The following EVI5L variants were observed in gnomAD, a reference collection of about 807,000 sequenced individuals.
The protein encoded by EVI5L is ecotropic viral integration site 5 like.
A neutral mutation model predicts 106.1 loss-of-function variants in EVI5L; 30 were observed. The ratio of observed to expected loss-of-function variants is 0.28; its 90% CI spans 0.21 to 0.38. EVI5L has a LOEUF of 0.38. Among genes scored for constraint, EVI5L ranks in the 10% least tolerant of loss-of-function variants. EVI5L has a pLI of 1.00. For missense variants in EVI5L, 809 were observed against 1,098.0 expected (o/e 0.74, Z 3.72); for synonymous variants, 489 against 483.3 (o/e 1.01, Z -0.15).
intron 1 of EVI5L, among the ~76,000 whole-genome samples, chr19:7,842,602 A>G (rs369772976): frequency 1.3e-5 from 2 of 149,946 alleles, no homozygotes; most frequent in African/African-American, 2.5e-5. Flanking sequence ...GTGAATGTGC[A>G]TGGGTGTGTA....
chr19:7,847,596 A>G (rs1979014111), intron 2 of EVI5L, 136 bp from the exon 3 acceptor site: 1 of 693,002 alleles, frequency 1.4e-6, no homozygotes, highest in Non-Finnish European at 2.1e-6. Context: ...AAAGAAGAAG[A>G]AAAAAAAAAG....
rs954864773 is a variant in EVI5L at position 7,863,891 on chromosome 19, G to A, written c.*189G>A. On this transcript the variant is annotated 3_prime_UTR_variant, in exon 20 of 20. Transcript: ENST00000538904. This position sits in a 1 kb window ranked among gnomAD's most constrained non-coding sequence, Gnocchi z 7.7. ...GACCTGGGCTCCTCAGGGCCCCGGG[G>A]CAGGCTCTCTATCCCCAGCAGTGTT... is the stretch of plus-strand genomic sequence containing the variant. 3.1e-5 allele frequency: 23 copies of A among 742,588 alleles called. No individual in the cohort carries two copies. Among genetic ancestry groups the A allele is most frequent in the Middle Eastern group, 7.8e-4 (2 of 2,550 alleles). The allele number at this position is 742,588 out of a possible 1,614,324, so 46.0% of individuals were successfully genotyped here. A position where few individuals can be genotyped will look rare whatever the true frequency, so the allele number is the denominator to read the frequency against.
chr19:7,858,095 C>T lies in EVI5L; in HGVS notation c.1234-96C>T, dbSNP rs74176257. The T allele has an allele frequency of 6.9e-7, 1 of 1,449,516 alleles. No homozygotes were observed. The highest frequency in any genetic ancestry group is 1.4e-5 in the South Asian group (1 of 73,580). 89.8% of individuals were successfully genotyped at this position (1,449,516 alleles called of 1,614,324 possible). ...GCCCCCACCTCACTTCCCCCCACCT[C>T]CACTCTCTGGGCCTCCCCCTGTGGC... is the stretch of plus-strand genomic sequence containing the variant. On this transcript the variant is annotated intron_variant, in intron 12 of 19. Transcript: ENST00000538904. The surrounding 1 kb of genome is among the most constrained non-coding windows in gnomAD (Gnocchi z 5.7).
chr19:7,860,138 G>A (rs1979729033), intron 13 of EVI5L, among the ~76,000 whole-genome samples: 1 of 152,104 alleles, frequency 6.6e-6, no homozygotes, highest in South Asian at 2.1e-4. Flanking sequence ...ATGGAGGGTG[G>A]GATGCAGAGG....
At chr19:7,830,779 T>C (rs1978290830) in intron 1 of EVI5L, among the ~76,000 whole-genome samples, 1 of 65,062 alleles carries the variant, frequency 1.5e-5, no homozygotes, top group African/African-American at 6.2e-5. Flanking sequence ...CCCGTCCACC[T>C]TCTGCCCTGA....
chr19:7,848,160 G>A lies in EVI5L; in HGVS notation c.327+239G>A, dbSNP rs994749609. 2.0e-5 allele frequency among the ~76,000 whole-genome samples: 3 copies of A among 152,158 alleles called. No individual in the cohort carries two copies. The highest frequency in any genetic ancestry group is 4.8e-5 in the African/African-American group (2 of 41,426). ...GCCCATGTGCTTGCTGCCCTGTAGT[G>A]CCCATGAAGGATGGGGGTGTGGTGG... On this transcript the variant is annotated intron_variant, in intron 3 of 19. Coordinates refer to ENST00000538904, the MANE Select transcript of EVI5L (RefSeq NM_001159944.3). This position sits in a 1 kb window ranked among gnomAD's most constrained non-coding sequence, Gnocchi z 4.8.
rs193284702 is a variant in EVI5L, at chr19:7,857,289, G to T, written c.1233+165G>T. 1.9e-4 allele frequency: 170 copies of T among 899,454 alleles called. No homozygotes were observed. The East Asian group carries it at 4.4e-3, about 23-fold the overall frequency. 55.7% of individuals were successfully genotyped at this position (899,454 alleles called of 1,614,324 possible). A position where few individuals can be genotyped will look rare whatever the true frequency, so the allele number is the denominator to read the frequency against. ...TCTGGGGGACACAGAGGCTTCCCGG[G>T]GGGGCGGGGCATGTGAAGTGGGGAG... On this transcript the variant is annotated intron_variant, in intron 12 of 19. Coordinates refer to ENST00000538904, the MANE Select transcript of EVI5L (RefSeq NM_001159944.3). The surrounding 1 kb of genome is among the most constrained non-coding windows in gnomAD (Gnocchi z 4.5).
In EVI5L at chr19:7,862,959, C is replaced by A; in HGVS notation, c.1948-13C>A. The A allele has an allele frequency of 4.2e-6, 5 of 1,194,984 alleles. No homozygotes were observed. The highest frequency in any genetic ancestry group is 6.0e-6 in the Non-Finnish European group (5 of 836,692). 74.0% of individuals were successfully genotyped at this position (1,194,984 alleles called of 1,614,324 possible). ...TGACCCGCCCTCCTTTCCCCCCAAT[C>A]CCCCGACCCCAGAGCAAGGAGGAGG... On this transcript the variant is annotated splice_polypyrimidine_tract_variant and intron_variant, in intron 17 of 19. Coordinates refer to ENST00000538904, the MANE Select transcript of EVI5L (RefSeq NM_001159944.3).
chr19:7,841,738 T>C (rs973574732), intron 1 of EVI5L, among the ~76,000 whole-genome samples: 2 of 152,188 alleles, frequency 1.3e-5, no homozygotes, highest in African/African-American at 4.8e-5. Context: ...AGTGGGTGGG[T>C]TGCCAAGGCC....
rs151166448 is a variant in EVI5L at position 7,856,101 on chromosome 19, G to A, written c.1200+33G>A. ...GCGTGGCCACTGTGAGGACATGGTCGCCATGGGGTGTGACCCACCATGCGG... is the reference window on the plus strand; with the variant it reads ...GCGTGGCCACTGTGAGGACATGGTCACCATGGGGTGTGACCCACCATGCGG... On this transcript the variant is annotated intron_variant, in intron 11 of 19. Transcript: ENST00000538904. This position sits in a 1 kb window ranked among gnomAD's most constrained non-coding sequence, Gnocchi z 6.6. The A allele has an allele frequency of 8.4e-4, 1,109 of 1,316,920 alleles. 9 individuals are homozygous for A. The African/African-American group carries it at 0.015, about 17-fold the overall frequency. The allele number at this position is 1,316,920 out of a possible 1,614,324, so 81.6% of individuals were successfully genotyped here.
intron 1 of EVI5L, among the ~76,000 whole-genome samples, chr19:7,842,653 TTA>T (rs1383038648): frequency 1.3e-5 from 2 of 149,592 alleles, no homozygotes; most frequent in Admixed American, 6.7e-5. Flanking sequence ...ATGTGGGTGT[TTA>T]TGTATCAAGT....
At chr19:7,851,231 T>C (rs1906682305) in intron 6 of EVI5L, among the ~76,000 whole-genome samples, 1 of 152,108 alleles carries the variant, frequency 6.6e-6, no homozygotes, top group Admixed American at 6.5e-5. Flanking sequence ...CATCCCTGCC[T>C]GTCCCCCACC....
rs911142616 is a variant in EVI5L at position 7,848,597 on chromosome 19, CA to C, written c.328-311del. Among the ~76,000 whole-genome samples the C allele has an allele frequency of 6.7e-3, 927 of 138,868 alleles. 3 individuals carry two copies. Among genetic ancestry groups the C allele is most frequent in the African/African-American group, 0.019 (739 of 37,922 alleles). 91.1% of individuals were successfully genotyped at this position (138,868 alleles called of 152,430 possible). ...TGGGCAACAGAGTGAGACTCCATCT[CA>C]AAAAAAAAAAAAGTTTAAAAATTAG... On this transcript the variant is annotated intron_variant, in intron 3 of 19. Coordinates refer to ENST00000538904, the MANE Select transcript of EVI5L (RefSeq NM_001159944.3). This position sits in a 1 kb window ranked among gnomAD's most constrained non-coding sequence, Gnocchi z 4.8.
At chr19:7,862,094 C>T (rs1277179958) in intron 15 of EVI5L, 28 bp from the exon 16 acceptor site, 1 of 1,551,038 alleles carries the variant, frequency 6.4e-7, no homozygotes. Flanking sequence ...CGGAGGCTGA[C>T]CGCCGGCTTC....
In EVI5L at chr19:7,857,259, C is replaced by A; in HGVS notation, c.1233+135C>A. Reference sequence around the variant, plus strand: ...GCGCCATGCATGGAGCAGCTGGGGACCGCTTCTGGGGGACACAGAGGCTTC... The same window carrying A: ...GCGCCATGCATGGAGCAGCTGGGGAACGCTTCTGGGGGACACAGAGGCTTC... On this transcript the variant is annotated intron_variant, in intron 12 of 19. Coordinates refer to ENST00000538904, the MANE Select transcript of EVI5L (RefSeq NM_001159944.3). This position sits in a 1 kb window ranked among gnomAD's most constrained non-coding sequence, Gnocchi z 4.5. 8.0e-7 allele frequency: 1 copy of A among 1,256,926 alleles called. No individual in the cohort carries two copies. The highest frequency in any genetic ancestry group is 1.1e-6 in the Non-Finnish European group (1 of 884,060). 77.9% of individuals were successfully genotyped at this position (1,256,926 alleles called of 1,614,324 possible). A position where few individuals can be genotyped will look rare whatever the true frequency, so the allele number is the denominator to read the frequency against.
chr19:7,837,074 T>TA (rs1170779645), intron 1 of EVI5L, among the ~76,000 whole-genome samples: 2 of 151,486 alleles, frequency 1.3e-5, no homozygotes, highest in African/African-American at 2.4e-5. Context: ...CTCACGCCTG[T>TA]AATCCCAGCA....
intron 1 of EVI5L, among the ~76,000 whole-genome samples, chr19:7,838,079 A>AT (rs778316597): frequency 3.0e-4 from 45 of 150,010 alleles, no homozygotes; most frequent in East Asian, 8.0e-4. Context: ...TGGTGTGTTT[A>AT]TTTTTTTTTT....
At position 7,856,092 on chromosome 19, in the gene EVI5L, G is replaced by A; in HGVS notation, c.1200+24G>A. ...AGGTGAGGGGCGTGGCCACTGTGAG[G>A]ACATGGTCGCCATGGGGTGTGACCC... On this transcript the variant is annotated intron_variant, in intron 11 of 19. Transcript: ENST00000538904. The surrounding 1 kb of genome is among the most constrained non-coding windows in gnomAD (Gnocchi z 6.6). 1 of 1,319,246 alleles carries A rather than the reference G, an allele frequency of 7.6e-7. No individual in the cohort carries two copies. The allele number at this position is 1,319,246 out of a possible 1,614,324, so 81.7% of individuals were successfully genotyped here. A position where few individuals can be genotyped will look rare whatever the true frequency, so the allele number is the denominator to read the frequency against.
chr19:7,851,315 C>T lies in EVI5L; in HGVS notation c.754-119C>T, dbSNP rs150920528. On this transcript the variant is annotated intron_variant, in intron 6 of 19. Coordinates refer to ENST00000538904, the MANE Select transcript of EVI5L (RefSeq NM_001159944.3). ...GCTGAGGGAGCACCAGGAAGGGAGC[C>T]TCAGGCTGCCCAGCGCAGGTCCAGG... 2.5e-4 allele frequency: 322 copies of T among 1,271,390 alleles called. 1 individual carries two copies. The highest frequency in any genetic ancestry group is 1.6e-3 in the Middle Eastern group (8 of 5,010). 78.8% of individuals were successfully genotyped at this position (1,271,390 alleles called of 1,614,324 possible).
Sources: allele counts gnomAD v4.1 joint callset (sites outside exome capture counted in the v4.1 genomes callset), GRCh38; gene constraint gnomAD v4.1.1; non-coding constraint Gnocchi (gnomAD v3.1); transcripts MANE v1.5; gene names NCBI Gene and HGNC (gene_info 2026-07-23, HGNC 2026-07-21).